The following RABGAP1 variants were observed in gnomAD, a reference collection of about 807,000 sequenced individuals.
The protein encoded by RABGAP1 is RAB GTPase activating protein 1.
RABGAP1 carries 23 observed loss-of-function variants against 137.6 expected under a neutral mutation model. That is an observed-to-expected ratio of 0.17 (90% CI 0.12 to 0.24). The LOEUF (loss-of-function observed/expected upper bound fraction) is 0.24, where lower values mean the gene tolerates loss of function less well. Ranked by LOEUF, RABGAP1 falls within the 10% of genes least tolerant of loss-of-function variation. The pLI is 1.00. For missense variants in RABGAP1, 906 were observed against 1,275.8 expected (o/e 0.71, Z 4.42); for synonymous variants, 451 against 450.7 (o/e 1.00, Z -0.01).
At chr9:123,041,256 AG>A (rs1186213935) in intron 13 of RABGAP1, among the ~76,000 whole-genome samples, 1 of 152,232 alleles carries the variant, frequency 6.6e-6, no homozygotes, top group Non-Finnish European at 1.5e-5. Context: ...ACAGCTTATA[AG>A]TGGAAGATCT....
rs1235013347 is a variant in RABGAP1, at chr9:123,089,787, G to A, written c.2454G>A (p.Glu818=). The A allele has an allele frequency of 6.2e-7, 1 of 1,613,600 alleles. No individual in the cohort carries two copies. Among genetic ancestry groups the A allele is most frequent in the South Asian group, 1.1e-5 (1 of 91,052 alleles). The change falls in exon 20 of 26, where the codon GAG becomes GAA. Residue 818 remains glutamate (E), a synonymous_variant. Transcript: ENST00000373647. ...GTCAGAAGAAGTTGAAAAAATACGA[G>A]AAAGAATATCACACCATGAGGGAAC... is the stretch of plus-strand genomic sequence containing the variant. ...KISQKKLKKY[E]KEYHTMREQQ...
chr9:122,971,620 T>C, intron 2 of RABGAP1: 1 of 152,098 alleles, frequency 6.6e-6, no homozygotes, highest in East Asian at 1.9e-4. Flanking sequence ...TCAAAAAATG[T>C]AAAAATTAAG....
Position 122,998,677 on chromosome 9 carries a change from A to G in RABGAP1, c.1285A>G (p.Lys429Glu). 3 of 1,612,346 alleles carry G rather than the reference A, an allele frequency of 1.9e-6. No homozygotes were observed. The highest frequency in any genetic ancestry group is 2.5e-6 in the Non-Finnish European group (3 of 1,178,422). The change falls in exon 10 of 26, where the codon AAA (lysine) becomes GAA (glutamate). Residue 429 changes from lysine to glutamate, a missense_variant. Lys to Glu is a moderately conservative substitution (Grantham distance 56, BLOSUM62 1). Transcript: ENST00000373647. ...GCCTGTTCGATTTCTCCTGGAGACA[A>G]AAGTCCGCGTTTGCTCACCTAATGA... ...QEPVRFLLET[K>E]VRVCSPNERL...
Position 123,089,852 on chromosome 9 carries a change from T to A in RABGAP1, c.2517+2T>A. The A allele has an allele frequency of 6.2e-7, 1 of 1,612,276 alleles. No individual in the cohort carries two copies. The highest frequency in any genetic ancestry group is 8.5e-7 in the Non-Finnish European group (1 of 1,178,636). ...GAAGACCCCATCGAGCGATTTGAGG[T>A]TTGTTTGCTTATGGCCTACGTGTGA... On this transcript the variant is annotated splice_donor_variant, in intron 20 of 25. Coordinates refer to ENST00000373647, the MANE Select transcript of RABGAP1 (RefSeq NM_012197.4). LOFTEE classifies it high-confidence loss of function.
intron 13 of RABGAP1, among the ~76,000 whole-genome samples, chr9:123,043,715 G>A (rs1263909762): frequency 2.0e-5 from 3 of 151,910 alleles, no homozygotes; most frequent in Non-Finnish European, 4.4e-5. Flanking sequence ...GATGTCTAAA[G>A]TGGAAAAACC....
intron 11 of RABGAP1, among the ~76,000 whole-genome samples, chr9:123,011,711 A>G (rs1300640435): frequency 6.6e-6 from 1 of 152,178 alleles, no homozygotes; most frequent in East Asian, 1.9e-4. Context: ...TAATCCCAGC[A>G]TGGGAGGCTG....
At chr9:122,944,984 G>T (rs1230216235) in intron 1 of RABGAP1, among the ~76,000 whole-genome samples, 3 of 151,652 alleles carry the variant, frequency 2.0e-5, no homozygotes, top group South Asian at 2.1e-4. Context: ...CTCATTTAAG[G>T]TACGTAAAGC....
intron 6 of RABGAP1, among the ~76,000 whole-genome samples, chr9:122,994,699 T>C (rs1046147651): frequency 2.0e-5 from 3 of 152,230 alleles, no homozygotes; most frequent in Admixed American, 1.3e-4. Context: ...CTTAAAGTTG[T>C]ACAGAAATAA....
intron 13 of RABGAP1, among the ~76,000 whole-genome samples, chr9:123,056,359 A>T (rs1165905491): frequency 6.6e-6 from 1 of 152,264 alleles, no homozygotes; most frequent in African/African-American, 2.4e-5. Context: ...GACTATTCAG[A>T]AACAGAGTAA....
chr9:122,997,429 C>T (rs1837085994), intron 9 of RABGAP1, 68 bp downstream of exon 9: 4 of 1,078,960 alleles, frequency 3.7e-6, no homozygotes, highest in Non-Finnish European at 5.3e-6. Flanking sequence ...ACTAAGGACC[C>T]CTTCTTTGAC....
chr9:122,967,811 C>G (rs1396141618), intron 2 of RABGAP1, among the ~76,000 whole-genome samples: 1 of 151,806 alleles, frequency 6.6e-6, no homozygotes, highest in Non-Finnish European at 1.5e-5. Flanking sequence ...GGCATGATCT[C>G]CATCTTCCGG....
chr9:123,008,873 C>T (rs1351817378), intron 10 of RABGAP1, among the ~76,000 whole-genome samples: 1 of 152,018 alleles, frequency 6.6e-6, no homozygotes, highest in Non-Finnish European at 1.5e-5. Context: ...GGTTAATGTC[C>T]TTTAGGTAAC....
intron 11 of RABGAP1, among the ~76,000 whole-genome samples, chr9:123,013,055 G>A (rs1023264130): frequency 6.6e-6 from 1 of 152,186 alleles, no homozygotes; most frequent in African/African-American, 2.4e-5. Context: ...ACCTTAGGCA[G>A]ATGGGTTCTT....
At chr9:122,938,839 A>G (rs1393000294), upstream of RABGAP1, 1 of 152,226 alleles carries the variant, frequency 6.6e-6, no homozygotes, top group Admixed American at 6.5e-5. Context: ...AAGAAATACA[A>G]GGCTTGCAGG....
chr9:123,010,691 T>C (rs1171828549), intron 11 of RABGAP1, among the ~76,000 whole-genome samples, 163 bp downstream of exon 11: 1 of 152,242 alleles, frequency 6.6e-6, no homozygotes, highest in Non-Finnish European at 1.5e-5. Context: ...GATTTAAAAA[T>C]GATTAACATT....
intron 6 of RABGAP1, among the ~76,000 whole-genome samples, chr9:122,993,917 G>GC (rs1836878743): frequency 6.6e-6 from 1 of 152,168 alleles, no homozygotes; most frequent in Non-Finnish European, 1.5e-5. Context: ...ACCTGCCTCG[G>GC]CCTCCCATAG....
chr9:123,060,556 T>A (rs2033930285), intron 13 of RABGAP1, among the ~76,000 whole-genome samples: 2 of 152,248 alleles, frequency 1.3e-5, no homozygotes, highest in Admixed American at 6.5e-5. Context: ...TTTAACTTTC[T>A]GGGAAACTGC....
intron 17 of RABGAP1, among the ~76,000 whole-genome samples, chr9:123,074,635 G>A (rs2034457909): frequency 1.3e-5 from 2 of 152,214 alleles, no homozygotes; most frequent in South Asian, 2.1e-4. Flanking sequence ...AAGACGTACT[G>A]AATTAGACAT....
At chr9:123,048,547 G>A (rs1341690668) in intron 13 of RABGAP1, among the ~76,000 whole-genome samples, 1 of 152,186 alleles carries the variant, frequency 6.6e-6, no homozygotes, top group Non-Finnish European at 1.5e-5. Flanking sequence ...AAACAATACA[G>A]TACGTATTAA....
Sources: gnomAD v4.1 joint callset for allele counts (sites outside exome capture counted in the v4.1 genomes callset) on GRCh38, gnomAD v4.1.1 for gene constraint, MANE v1.5 for transcripts, NCBI Gene and HGNC (gene_info 2026-07-23, HGNC 2026-07-21) for gene names.